Variants in OTULIN observed in about 807,000 individuals in gnomAD.
OTULIN encodes the protein ubiquitin thioesterase otulin.
Under a neutral mutation model 39.6 loss-of-function variants are expected in OTULIN, and 15 were observed. The ratio of observed to expected loss-of-function variants is 0.38; its 90% CI spans 0.25 to 0.58. The LOEUF is 0.58. Ranked by LOEUF, OTULIN falls within the 20% of genes least tolerant of loss-of-function variation. The pLI, the probability that OTULIN is intolerant of heterozygous loss-of-function variation, is 0.66. For synonymous variants in OTULIN, 156 were observed against 170.3 expected, an observed-to-expected ratio of 0.92 and a Z score of 0.65; for missense variants, 319 against 445.9, an observed-to-expected ratio of 0.72 and a Z score of 2.56.
the OTULIN span, chr5:14,709,727 C>T: frequency 1.3e-5 from 2 of 152,614 alleles, no homozygotes; most frequent in Non-Finnish European, 2.9e-5. Flanking sequence ...AAATGACGGA[C>T]TTTATAAAAC....
intron 4 of OTULIN, among the ~76,000 whole-genome samples, chr5:14,686,074 T>C (rs530728270): frequency 9.9e-5 from 15 of 152,172 alleles, no homozygotes; most frequent in African/African-American, 3.6e-4. Flanking sequence ...TCGCCATCAC[T>C]GTGGTCACAG....
At chr5:14,673,225 C>A (rs1018301031) in intron 1 of OTULIN, among the ~76,000 whole-genome samples, 2 of 152,108 alleles carry the variant, frequency 1.3e-5, no homozygotes, top group South Asian at 2.1e-4. Flanking sequence ...TTACAAAGGT[C>A]GGCAATGGGG....
chr5:14,708,352 GTC>G, the OTULIN span: 1 of 152,226 alleles, frequency 6.6e-6, no homozygotes, highest in Non-Finnish European at 1.5e-5. Context: ...TTTGGAGAAA[GTC>G]ACACCTGGTC....
chr5:14,714,040 CTAGT>C, the OTULIN span, among the ~76,000 whole-genome samples: 1 of 152,274 alleles, frequency 6.6e-6, no homozygotes, highest in African/African-American at 2.4e-5. Context: ...AAGTGGCACT[CTAGT>C]GTGATGCTGC....
In OTULIN at chr5:14,694,026, G is replaced by A. The variant is rs891003205; in HGVS notation, c.*978G>A. On this transcript the variant is annotated 3_prime_UTR_variant, in exon 7 of 7. Coordinates refer to ENST00000284274, the MANE Select transcript of OTULIN (RefSeq NM_138348.6). ...CAAAGGCCAAATTACTTTGAGGTAG[G>A]GCTTAGCTGGACCTGGGTTTTCCTA... 3.3e-5 allele frequency: 5 copies of A among 152,238 alleles called. No individual in the cohort carries two copies. The highest frequency in any genetic ancestry group is 1.2e-4 in the African/African-American group (5 of 41,446). 9.4% of individuals were successfully genotyped at this position (152,238 alleles called of 1,614,324 possible).
the OTULIN span, chr5:14,707,533 G>T: frequency 6.6e-6 from 1 of 152,166 alleles, no homozygotes; most frequent in African/African-American, 2.4e-5. Context: ...GATCCAGAGG[G>T]CTGGGAGTGA....
intron 1 of OTULIN, among the ~76,000 whole-genome samples, chr5:14,668,485 A>G (rs1735905245): frequency 6.6e-6 from 1 of 152,228 alleles, no homozygotes; most frequent in Non-Finnish European, 1.5e-5. Context: ...AAAGTGGTGA[A>G]GAAAGGCTGG....
At chr5:14,709,585 GGCCT>G in the OTULIN span, 1 of 152,070 alleles carries the variant, frequency 6.6e-6, no homozygotes, top group East Asian at 1.9e-4. Flanking sequence ...AGACACAAAG[GGCCT>G]GCCTTTTTCT....
At chr5:14,710,258 T>TACTTAAAGCTTCAGTTCA in the OTULIN span, 1 of 152,194 alleles carries the variant, frequency 6.6e-6, no homozygotes, top group Non-Finnish European at 1.5e-5. Flanking sequence ...GGATGAGACT[T>TACTTAAAGCTTCAGTTCA]AAAGCTTCAG....
In OTULIN at chr5:14,695,656, G is replaced by C. The variant is rs1216649014; in HGVS notation, c.*2608G>C. ...TCATGGGATTAACACTGCTTTTCCA[G>C]AACATTTTCAGATTCCCCTCCTTAC... is the stretch of plus-strand genomic sequence containing the variant. On this transcript the variant is annotated 3_prime_UTR_variant, in exon 7 of 7. Transcript: ENST00000284274. 1 of 152,150 alleles carries C rather than the reference G, an allele frequency of 6.6e-6. No homozygotes were observed. The highest frequency in any genetic ancestry group is 2.4e-5 in the African/African-American group (1 of 41,420). 9.4% of individuals were successfully genotyped at this position (152,150 alleles called of 1,614,324 possible).
At chr5:14,714,409 G>A in the OTULIN span, among the ~76,000 whole-genome samples, 4 of 152,238 alleles carry the variant, frequency 2.6e-5, no homozygotes, top group African/African-American at 9.6e-5. Flanking sequence ...ATCTGAAACT[G>A]GAAAGGCTTG....
chr5:14,665,377 G>A (rs1174146433), intron 1 of OTULIN, among the ~76,000 whole-genome samples: 2 of 152,246 alleles, frequency 1.3e-5, no homozygotes, highest in Admixed American at 1.3e-4. Flanking sequence ...GGCGCTGCGC[G>A]ACTTGTTCTT....
At chr5:14,667,242 C>T (rs73749526) in intron 1 of OTULIN, among the ~76,000 whole-genome samples, 1,837 of 152,248 alleles carry the variant, frequency 0.012, 42 homozygotes, top group African/African-American at 0.042. Flanking sequence ...GCTGTGGTGA[C>T]GAGTAGAGAA....
intron 1 of OTULIN, among the ~76,000 whole-genome samples, chr5:14,668,745 T>A (rs1735911497): frequency 6.6e-6 from 1 of 152,264 alleles, no homozygotes; most frequent in African/African-American, 2.4e-5. Flanking sequence ...TCTGTCTTGT[T>A]AGCTTTGCAT....
Position 14,693,208 on chromosome 5 carries a change from A to T in OTULIN, c.*160A>T. 1 of 612,626 alleles carries T rather than the reference A, an allele frequency of 1.6e-6. No homozygotes were observed. Among genetic ancestry groups the T allele is most frequent in the Non-Finnish European group, 2.8e-6 (1 of 359,322 alleles). 37.9% of individuals were successfully genotyped at this position (612,626 alleles called of 1,614,324 possible). On this transcript the variant is annotated 3_prime_UTR_variant, in exon 7 of 7. Coordinates refer to ENST00000284274, the MANE Select transcript of OTULIN (RefSeq NM_138348.6). The stretch of plus-strand genomic sequence containing the variant: ...AGGATGTCCTGAAGACTAGCTTTTG[A>T]TAAGAGAAATTAACCAAGTCTTTCC...
Position 14,697,767 on chromosome 5 carries a change from T to A in OTULIN, c.*4719T>A, listed in dbSNP as rs1736709312. On this transcript the variant is annotated 3_prime_UTR_variant, in exon 7 of 7. Transcript: ENST00000284274. Reference sequence around the variant, plus strand: ...TCTCATTGATTTGTTTGGTATAAGTTTGGGTCAGAAATGAAACTGCCAAAA... The same window carrying A: ...TCTCATTGATTTGTTTGGTATAAGTATGGGTCAGAAATGAAACTGCCAAAA... The A allele has an allele frequency of 1.3e-5, 2 of 152,136 alleles. No individual in the cohort carries two copies. The highest frequency in any genetic ancestry group is 1.5e-5 in the Non-Finnish European group (1 of 68,028). 9.4% of individuals were successfully genotyped at this position (152,136 alleles called of 1,614,324 possible). A position where few individuals can be genotyped will look rare whatever the true frequency, so the allele number is the denominator to read the frequency against.
intron 4 of OTULIN, among the ~76,000 whole-genome samples, chr5:14,682,583 C>T (rs1031287564): frequency 4.6e-5 from 7 of 151,796 alleles, no homozygotes; most frequent in Non-Finnish European, 8.8e-5. Context: ...AAATGCTAGC[C>T]GTGGGAGATT....
intron 4 of OTULIN, among the ~76,000 whole-genome samples, chr5:14,683,863 A>G (rs1324199129): frequency 6.6e-6 from 1 of 152,156 alleles, no homozygotes; most frequent in East Asian, 1.9e-4. Context: ...GTTAAGTACA[A>G]TGTCTCCCCC....
At chr5:14,680,558 G>A (rs1184262060) in intron 3 of OTULIN, among the ~76,000 whole-genome samples, 2 of 152,192 alleles carry the variant, frequency 1.3e-5, no homozygotes. Flanking sequence ...AGTTCAGTCA[G>A]TCTCAAGGAC....
Sources: allele counts gnomAD v4.1 joint callset (sites outside exome capture counted in the v4.1 genomes callset), GRCh38; gene constraint gnomAD v4.1.1; transcripts MANE v1.5; gene names NCBI Gene and HGNC (gene_info 2026-07-23, HGNC 2026-07-21).